Variants in AK7 observed in about 807,000 individuals in gnomAD.
The protein encoded by AK7 is ATP-AMP transphosphorylase 7.
Under a neutral mutation model 96.6 loss-of-function variants are expected in AK7, and 78 were observed. The ratio of observed to expected loss-of-function variants is 0.81; its 90% CI spans 0.67 to 0.97. AK7 has a LOEUF of 0.97. AK7 is among the 50% of genes least tolerant of loss of function. The pLI, the probability that AK7 is intolerant of heterozygous loss-of-function variation, is 0.00. For synonymous variants in AK7, 302 were observed against 317.2 expected (o/e 0.95, Z 0.51); for missense variants, 855 against 887.9 (o/e 0.96, Z 0.47).
intron 10 of AK7, among the ~76,000 whole-genome samples, chr14:96,454,893 G>A (rs182767733): frequency 1.0e-3 from 152 of 152,110 alleles, no homozygotes; most frequent in African/African-American, 3.4e-3. Flanking sequence ...GGCCAGGTGC[G>A]ATGGCTCACA....
intron 12 of AK7, among the ~76,000 whole-genome samples, chr14:96,465,902 CG>C (rs1256519940): frequency 6.7e-6 from 1 of 149,178 alleles, no homozygotes; most frequent in Admixed American, 6.8e-5. Context: ...CCCAACTACT[CG>C]GGGGACTGAG....
At chr14:96,451,367 A>G in intron 9 of AK7, 54 bp from the exon 10 acceptor site, 2 of 1,473,712 alleles carry the variant, frequency 1.4e-6, no homozygotes, top group Non-Finnish European at 1.8e-6. Context: ...GTCTGTTATG[A>G]CAGTCAGAAT....
chr14:96,469,365 T>C, intron 12 of AK7, among the ~76,000 whole-genome samples: 1 of 151,836 alleles, frequency 6.6e-6, no homozygotes, highest in Non-Finnish European at 1.5e-5. Context: ...TACTAAAAAA[T>C]ACAAATAAAA....
intron 13 of AK7, 42 bp downstream of exon 13, chr14:96,471,648 A>T (rs752950281): frequency 1.7e-5 from 24 of 1,421,998 alleles, no homozygotes; most frequent in Non-Finnish European, 2.2e-5. Context: ...TATTCAGATA[A>T]GTTGCAACTT....
intron 2 of AK7, among the ~76,000 whole-genome samples, chr14:96,404,073 G>C (rs1890563553): frequency 6.6e-6 from 1 of 151,082 alleles, no homozygotes; most frequent in African/African-American, 2.4e-5. Context: ...GGACCTGGGA[G>C]GGGGAGGTTG....
intron 8 of AK7, among the ~76,000 whole-genome samples, chr14:96,447,503 T>G (rs1328988069): frequency 1.3e-5 from 2 of 151,998 alleles, no homozygotes; most frequent in African/African-American, 2.4e-5. Context: ...TTTCTTTTTT[T>G]GTCAAAATGA....
intron 5 of AK7, among the ~76,000 whole-genome samples, chr14:96,432,888 G>C (rs1227486931): frequency 6.6e-6 from 1 of 151,968 alleles, no homozygotes; most frequent in South Asian, 2.1e-4. Flanking sequence ...CAGCTACTCG[G>C]GAGGCTGAGG....
intron 12 of AK7, among the ~76,000 whole-genome samples, chr14:96,459,230 C>T (rs972051475): frequency 1.8e-4 from 28 of 151,770 alleles, no homozygotes; most frequent in African/African-American, 6.5e-4. Flanking sequence ...CCCAGCTACT[C>T]GGGAAGGTGA....
chr14:96,473,708 G>A (rs1010261051), intron 14 of AK7, among the ~76,000 whole-genome samples: 2 of 152,276 alleles, frequency 1.3e-5, no homozygotes, highest in Non-Finnish European at 1.5e-5. Flanking sequence ...CTGTGGGAAC[G>A]TTGTCTTCCA....
At chr14:96,482,024 T>C (rs1292358895) in intron 15 of AK7, among the ~76,000 whole-genome samples, 1 of 152,162 alleles carries the variant, frequency 6.6e-6, no homozygotes, top group Non-Finnish European at 1.5e-5. Flanking sequence ...GGTTTGCTTC[T>C]GTTCACCAAC....
intron 14 of AK7, among the ~76,000 whole-genome samples, chr14:96,476,491 G>A (rs947095743): frequency 4.1e-5 from 6 of 146,678 alleles, no homozygotes; most frequent in Non-Finnish European, 7.4e-5. Context: ...GGGGACAAGA[G>A]CGAGACTTTG....
chr14:96,430,195 T>C (rs1192249315), intron 5 of AK7, among the ~76,000 whole-genome samples: 1 of 150,588 alleles, frequency 6.6e-6, no homozygotes, highest in Non-Finnish European at 1.5e-5. Flanking sequence ...TTTTTTTTTT[T>C]TTTTTTTTGA....
intron 8 of AK7, 116 bp from the exon 9 acceptor site, chr14:96,449,686 G>A (rs939829272): frequency 1.6e-5 from 11 of 682,516 alleles, no homozygotes; most frequent in Admixed American, 2.6e-5. Context: ...CGCCCACCTT[G>A]GCCTCCCAAA....
rs189569881 is a variant in AK7, at chr14:96,485,273, G to A, written c.1975-1625G>A. Among the ~76,000 whole-genome samples, 12 of 152,162 alleles carry A rather than the reference G, an allele frequency of 7.9e-5. No individual in the cohort carries two copies. In the East Asian group the frequency reaches 9.6e-4, roughly 12 times the overall value. Reference sequence around the variant, plus strand: ...GCATTTATGTTTCTTCTCATGTTGCGTATTTTCTTTGCCCCTGTTTGGGCT... The same window carrying A: ...GCATTTATGTTTCTTCTCATGTTGCATATTTTCTTTGCCCCTGTTTGGGCT... On this transcript the variant is annotated intron_variant, in intron 16 of 17. Transcript: ENST00000267584.
chr14:96,401,686 A>G (rs1015137855), intron 2 of AK7, among the ~76,000 whole-genome samples: 2 of 152,148 alleles, frequency 1.3e-5, no homozygotes, highest in Non-Finnish European at 2.9e-5. Context: ...AAAAATGAAT[A>G]AAAGGTGAGG....
At chr14:96,477,462 G>A (rs1895250132) in intron 14 of AK7, among the ~76,000 whole-genome samples, 1 of 152,170 alleles carries the variant, frequency 6.6e-6, no homozygotes, top group Admixed American at 6.5e-5. Flanking sequence ...AGCTATTTGT[G>A]ATGCACCCAG....
intron 4 of AK7, among the ~76,000 whole-genome samples, chr14:96,410,473 A>ACT (rs1391146384): frequency 6.6e-6 from 1 of 151,942 alleles, no homozygotes; most frequent in Non-Finnish European, 1.5e-5. Flanking sequence ...GTGCTCACTG[A>ACT]CTCTCTCTCT....
chr14:96,431,585 C>T (rs889144947), intron 5 of AK7, among the ~76,000 whole-genome samples: 4 of 152,100 alleles, frequency 2.6e-5, no homozygotes, highest in Non-Finnish European at 4.4e-5. Flanking sequence ...GTTTCTTAAC[C>T]CTGCGTTTTC....
At chr14:96,451,007 C>T (rs1893570863) in intron 9 of AK7, among the ~76,000 whole-genome samples, 1 of 151,272 alleles carries the variant, frequency 6.6e-6, no homozygotes, top group Non-Finnish European at 1.5e-5. Flanking sequence ...ACCACCTGAC[C>T]TTGTGATCTG....
Sources: gnomAD v4.1 joint callset for allele counts (sites outside exome capture counted in the v4.1 genomes callset) on GRCh38, gnomAD v4.1.1 for gene constraint, MANE v1.5 for transcripts, NCBI Gene and HGNC (gene_info 2026-07-23, HGNC 2026-07-21) for gene names.